The following CNTN5 variants were observed in gnomAD, a reference collection of about 807,000 sequenced individuals.
CNTN5 encodes contactin 5, also known as contactin-5.
Under a neutral mutation model 129.1 loss-of-function variants are expected in CNTN5, and 77 were observed. That is an observed-to-expected ratio of 0.60 (90% CI 0.50 to 0.72). CNTN5 has a LOEUF of 0.72. Among genes scored for constraint, CNTN5 ranks in the 30% least tolerant of loss-of-function variants. The pLI is 0.00. For missense variants in CNTN5, 1,478 were observed against 1,328.8 expected (o/e 1.11, Z -1.75); for synonymous variants, 509 against 465.6 (o/e 1.09, Z -1.20).
rs1358034311 is a variant in CNTN5 at position 99,417,695 on chromosome 11, C to G, written c.-71+92211C>G. Among the ~76,000 whole-genome samples, 12 of 152,042 alleles carry G rather than the reference C, an allele frequency of 7.9e-5. No homozygotes were observed. In the South Asian group the frequency reaches 2.5e-3, roughly 31 times the overall value. On this transcript the variant is annotated intron_variant, in intron 2 of 24. Transcript: ENST00000524871. ...AAGTATTGTCCCATGAAAGCAGAGACTCTTCATTTCCATTCTTTTGTAAAT... is the reference window on the plus strand; with the variant it reads ...AAGTATTGTCCCATGAAAGCAGAGAGTCTTCATTTCCATTCTTTTGTAAAT...
chr11:99,897,280 A>T (rs1026591089), intron 6 of CNTN5, among the ~76,000 whole-genome samples: 2 of 152,192 alleles, frequency 1.3e-5, no homozygotes, highest in African/African-American at 4.8e-5. Context: ...AGATATTCGG[A>T]TATGAGGAAA....
At position 99,793,843 on chromosome 11, in the gene CNTN5, C is replaced by T. The variant is rs553860140; in HGVS notation, c.56-25701C>T. Among the ~76,000 whole-genome samples the T allele has an allele frequency of 5.3e-5, 8 of 152,092 alleles. No homozygotes were observed. In the East Asian group the frequency reaches 5.8e-4, roughly 11 times the overall value. ...GATTGTTTATGAATTATTTTTGGTC[C>T]ATTTTGGAGTGTGTGGCATGTGCAC... On this transcript the variant is annotated intron_variant, in intron 3 of 24. Transcript: ENST00000524871.
At chr11:99,696,601 G>A (rs538766125) in intron 3 of CNTN5, among the ~76,000 whole-genome samples, 1 of 151,624 alleles carries the variant, frequency 6.6e-6, no homozygotes, top group South Asian at 2.1e-4. Flanking sequence ...AAGACTAGTA[G>A]TACAAGTACC....
At chr11:99,123,742 T>C (rs1027739670) in intron 1 of CNTN5, among the ~76,000 whole-genome samples, 2 of 151,698 alleles carry the variant, frequency 1.3e-5, no homozygotes, top group African/African-American at 4.8e-5. Context: ...AAGGAAGGGG[T>C]CCAATTTCAA....
intron 3 of CNTN5, among the ~76,000 whole-genome samples, chr11:99,695,066 A>T (rs1954211662): frequency 6.6e-6 from 1 of 152,132 alleles, no homozygotes; most frequent in Admixed American, 6.6e-5. Flanking sequence ...AATCAAATGA[A>T]GTCTAATTGT....
At chr11:99,295,187 C>A (rs182634610) in intron 1 of CNTN5, among the ~76,000 whole-genome samples, 1 of 152,172 alleles carries the variant, frequency 6.6e-6, no homozygotes, top group South Asian at 2.1e-4. Flanking sequence ...TCCCATAAAC[C>A]GAACCACCAA....
intron 13 of CNTN5, among the ~76,000 whole-genome samples, chr11:100,094,798 AAG>A (rs1944941371): frequency 6.7e-6 from 1 of 148,824 alleles, no homozygotes; most frequent in African/African-American, 2.5e-5. Flanking sequence ...GGAAGGAAGG[AAG>A]GAAGGAAGGA....
chr11:99,850,080 G>C (rs567498336), intron 6 of CNTN5, among the ~76,000 whole-genome samples: 2 of 151,134 alleles, frequency 1.3e-5, no homozygotes, highest in African/African-American at 4.8e-5. Flanking sequence ...TCATTGTTCA[G>C]ATTTAGTTTA....
chr11:99,667,035 CATA>C (rs1221244922), intron 3 of CNTN5, among the ~76,000 whole-genome samples: 12 of 151,508 alleles, frequency 7.9e-5, no homozygotes, highest in African/African-American at 2.9e-4. Flanking sequence ...TTATTAGTAT[CATA>C]ATTAAATTTT....
chr11:99,025,483 C>T (rs1246058448), intron 1 of CNTN5, among the ~76,000 whole-genome samples: 21 of 151,892 alleles, frequency 1.4e-4, no homozygotes, highest in South Asian at 6.2e-4. Context: ...GAAAGGAGAA[C>T]ATCTCATCTT....
At chr11:99,104,007 C>A (rs541983645) in intron 1 of CNTN5, among the ~76,000 whole-genome samples, 1 of 152,222 alleles carries the variant, frequency 6.6e-6, no homozygotes, top group South Asian at 2.1e-4. Context: ...TGCTTTAAAC[C>A]TCCAATTTTG....
At chr11:99,065,738 T>TC (rs1865075157) in intron 1 of CNTN5, among the ~76,000 whole-genome samples, 1 of 141,640 alleles carries the variant, frequency 7.1e-6, no homozygotes, top group African/African-American at 2.9e-5. Flanking sequence ...GAGGCCTCAT[T>TC]AGAGTTGATT....
intron 1 of CNTN5, among the ~76,000 whole-genome samples, chr11:99,110,805 A>G: frequency 6.6e-6 from 1 of 152,182 alleles, no homozygotes; most frequent in East Asian, 1.9e-4. Context: ...AGTATTTTAG[A>G]AATGGAAATT....
chr11:99,079,168 T>G (rs12791395), intron 1 of CNTN5, among the ~76,000 whole-genome samples: 32,098 of 152,044 alleles, frequency 0.21, 3,846 homozygotes, highest in South Asian at 0.28. Flanking sequence ...AATTTCCATT[T>G]GGATAATTTT....
At chr11:99,175,488 G>A (rs1447569415) in intron 1 of CNTN5, among the ~76,000 whole-genome samples, 1 of 152,090 alleles carries the variant, frequency 6.6e-6, no homozygotes, top group Non-Finnish European at 1.5e-5. Context: ...TGTTTTAGAA[G>A]TGATGAAGAG....
At chr11:100,239,453 A>C (rs1949690797) in intron 16 of CNTN5, among the ~76,000 whole-genome samples, 1 of 152,146 alleles carries the variant, frequency 6.6e-6, no homozygotes, top group African/African-American at 2.4e-5. Context: ...TAAGAAATAA[A>C]TATTTATTAT....
intron 1 of CNTN5, among the ~76,000 whole-genome samples, chr11:99,073,157 T>C (rs1350215059): frequency 1.4e-4 from 22 of 152,146 alleles, no homozygotes; most frequent in Admixed American, 1.4e-3. Context: ...AGGTTGTTGA[T>C]AGCTTTTGGT....
intron 1 of CNTN5, among the ~76,000 whole-genome samples, chr11:99,306,483 A>T (rs575749481): frequency 4.6e-5 from 7 of 152,298 alleles, no homozygotes; most frequent in Non-Finnish European, 8.8e-5. Flanking sequence ...ATAGTGCCCA[A>T]TAACTTCAAT....
chr11:99,678,965 C>A (rs912476479), intron 3 of CNTN5, among the ~76,000 whole-genome samples: 7 of 148,206 alleles, frequency 4.7e-5, no homozygotes, highest in African/African-American at 9.8e-5. Flanking sequence ...CTCTCTCTCT[C>A]TCTATATATA....
Sources: gnomAD v4.1 joint callset for allele counts (sites outside exome capture counted in the v4.1 genomes callset) on GRCh38, gnomAD v4.1.1 for gene constraint, MANE v1.5 for transcripts, NCBI Gene and HGNC (gene_info 2026-07-23, HGNC 2026-07-21) for gene names.